The following LMAN2 variants were observed in gnomAD, a reference collection of about 807,000 sequenced individuals.
The protein encoded by LMAN2 is vesicular integral-membrane protein VIP36.
Under a neutral mutation model 39.3 loss-of-function variants are expected in LMAN2, and 22 were observed. The ratio of observed to expected loss-of-function variants is 0.56; its 90% CI spans 0.40 to 0.80. LMAN2 has a LOEUF of 0.80. Among genes scored for constraint, LMAN2 ranks in the 30% least tolerant of loss-of-function variants. The pLI is 0.00. For synonymous variants in LMAN2, 207 were observed against 207.8 expected (o/e 1.00, Z 0.03); for missense variants, 494 against 505.4 (o/e 0.98, Z 0.22).
chr5:177,334,541 T>A, intron 6 of LMAN2, 138 bp from the exon 7 acceptor site: 1 of 1,187,086 alleles, frequency 8.4e-7, no homozygotes, highest in Non-Finnish European at 1.1e-6. Flanking sequence ...CCCAGCCGGC[T>A]AGGGCCTGTT....
At chr5:177,344,945 GAGAAA>G (rs1274846245) in intron 2 of LMAN2, among the ~76,000 whole-genome samples, 2 of 151,792 alleles carry the variant, frequency 1.3e-5, no homozygotes, top group African/African-American at 4.8e-5. Flanking sequence ...AAGAAGAGAA[GAGAAA>G]AGAAAAGGAA....
chr5:177,336,951 C>G, intron 6 of LMAN2, 185 bp downstream of exon 6: 1 of 603,282 alleles, frequency 1.7e-6, no homozygotes, highest in Non-Finnish European at 2.9e-6. Flanking sequence ...AGGAACACAG[C>G]CAGGTGAGCC....
intron 7 of LMAN2, among the ~76,000 whole-genome samples, chr5:177,333,603 T>C (rs1010157657): frequency 6.6e-6 from 1 of 152,236 alleles, no homozygotes; most frequent in Non-Finnish European, 1.5e-5. Context: ...AGGGCTGGGC[T>C]ACGACAGAGC....
chr5:177,332,638 G>T lies in LMAN2; in HGVS notation c.911-392C>A, dbSNP rs911439996. Among the ~76,000 whole-genome samples the T allele has an allele frequency of 1.1e-4, 17 of 152,094 alleles. No individual in the cohort carries two copies. The highest frequency in any genetic ancestry group is 4.1e-4 in the African/African-American group (17 of 41,402). On this transcript the variant is annotated intron_variant, in intron 7 of 7. Coordinates refer to ENST00000303127, the MANE Select transcript of LMAN2 (RefSeq NM_006816.3). The surrounding 1 kb of genome is among the most constrained non-coding windows in gnomAD (Gnocchi z 6.3). ...CTGAGGGCCCTTTCTGGAGCAGCGC[G>T]GCCCTGGTCACAGGCTCTCCCAGCC...
chr5:177,334,683 T>C (rs990899427), intron 6 of LMAN2: 3 of 352,300 alleles, frequency 8.5e-6, no homozygotes, highest in Admixed American at 4.5e-5. Flanking sequence ...TTGAGGCTCA[T>C]GTTCCGCACA....
At chr5:177,336,604 T>A (rs909728770) in intron 6 of LMAN2, among the ~76,000 whole-genome samples, 3 of 151,968 alleles carry the variant, frequency 2.0e-5, no homozygotes, top group African/African-American at 4.8e-5. Context: ...AGAGGTGCCA[T>A]GTGAGAGAAA....
chr5:177,333,716 C>T (rs967141951), intron 7 of LMAN2, among the ~76,000 whole-genome samples: 1 of 152,242 alleles, frequency 6.6e-6, no homozygotes, highest in Non-Finnish European at 1.5e-5. Context: ...CCAACCACAA[C>T]GTTCACTCTG....
intron 6 of LMAN2, chr5:177,334,605 G>T: frequency 1.7e-6 from 1 of 582,006 alleles, no homozygotes; most frequent in Non-Finnish European, 2.9e-6. Context: ...AGGCAGAGTG[G>T]AGAGAAAACA....
At chr5:177,350,944 C>T (rs1385615769) in intron 2 of LMAN2, among the ~76,000 whole-genome samples, 2 of 152,216 alleles carry the variant, frequency 1.3e-5, no homozygotes, top group South Asian at 2.1e-4. Flanking sequence ...CATTACTCAT[C>T]TCGCATGGCT....
chr5:177,344,188 A>G (rs1761600148), intron 2 of LMAN2, among the ~76,000 whole-genome samples: 1 of 151,468 alleles, frequency 6.6e-6, no homozygotes, highest in Non-Finnish European at 1.5e-5. Flanking sequence ...ACTGCACTCC[A>G]GCCTCCGTGA....
intron 2 of LMAN2, among the ~76,000 whole-genome samples, chr5:177,348,750 G>A (rs62397250): frequency 1.3e-5 from 2 of 149,012 alleles, no homozygotes; most frequent in Admixed American, 6.7e-5. Context: ...TGGGCGTGGT[G>A]GTGCACACCT....
At chr5:177,346,999 T>C (rs1761646294) in intron 2 of LMAN2, among the ~76,000 whole-genome samples, 1 of 152,066 alleles carries the variant, frequency 6.6e-6, no homozygotes, top group Admixed American at 6.5e-5. Context: ...GAATCCACAT[T>C]CATAAGCACA....
intron 7 of LMAN2, among the ~76,000 whole-genome samples, chr5:177,333,716 C>A (rs967141951): frequency 7.9e-5 from 12 of 152,242 alleles, no homozygotes; most frequent in African/African-American, 2.9e-4. Context: ...CCAACCACAA[C>A]GTTCACTCTG....
At chr5:177,349,119 G>T (rs1259271348) in intron 2 of LMAN2, among the ~76,000 whole-genome samples, 1 of 152,050 alleles carries the variant, frequency 6.6e-6, no homozygotes, top group African/African-American at 2.4e-5. Context: ...CCCCCAAAAG[G>T]ACAGGGCCTG....
chr5:177,338,096 C>T (rs987420006), intron 3 of LMAN2, among the ~76,000 whole-genome samples: 2 of 152,116 alleles, frequency 1.3e-5, no homozygotes, highest in African/African-American at 4.8e-5. Flanking sequence ...CCAGGAGGCT[C>T]TACCCTCTAT....
intron 2 of LMAN2, among the ~76,000 whole-genome samples, chr5:177,341,096 C>T (rs1391126859): frequency 2.0e-4 from 23 of 112,448 alleles, no homozygotes; most frequent in African/African-American, 2.1e-4. Context: ...GACAGAGTTT[C>T]GCTCTTGTTG....
chr5:177,340,599 G>A (rs1761535893), intron 2 of LMAN2, among the ~76,000 whole-genome samples: 1 of 152,016 alleles, frequency 6.6e-6, no homozygotes. Context: ...GTGAAACCCC[G>A]TCTCTACTAA....
intron 2 of LMAN2, among the ~76,000 whole-genome samples, chr5:177,350,759 A>G (rs1194911294): frequency 6.6e-6 from 1 of 152,246 alleles, no homozygotes; most frequent in East Asian, 1.9e-4. Context: ...TGGCAAGGTC[A>G]GTGCCTAATA....
intron 6 of LMAN2, among the ~76,000 whole-genome samples, chr5:177,335,865 G>A (rs1761461606): frequency 6.6e-6 from 1 of 152,156 alleles, no homozygotes; most frequent in Admixed American, 6.5e-5. Flanking sequence ...TGCCAGTTCT[G>A]GTCAGGAGCT....
Sources: gnomAD v4.1 joint callset for allele counts (sites outside exome capture counted in the v4.1 genomes callset) on GRCh38, gnomAD v4.1.1 for gene constraint, Gnocchi (gnomAD v3.1) non-coding constraint, MANE v1.5 for transcripts, NCBI Gene and HGNC (gene_info 2026-07-23, HGNC 2026-07-21) for gene names.